CDS1: variants seen among roughly 807,000 people sequenced by gnomAD.
The protein encoded by CDS1 is CDP-diacylglycerol synthase 1.
A neutral mutation model predicts 62.1 loss-of-function variants in CDS1; 41 were observed. The observed-to-expected ratio is 0.66, with a 90% CI of 0.51 to 0.86. CDS1 has a LOEUF of 0.86. CDS1 is among the 40% of genes least tolerant of loss of function. The pLI, the probability that CDS1 is intolerant of heterozygous loss-of-function variation, is 0.00. For synonymous variants in CDS1, 185 were observed against 192.6 expected (o/e 0.96, Z 0.32); for missense variants, 470 against 550.1 (o/e 0.85, Z 1.46).
chr4:84,588,644 C>T (rs1722488819), intron 1 of CDS1, among the ~76,000 whole-genome samples: 1 of 151,998 alleles, frequency 6.6e-6, no homozygotes, highest in Admixed American at 6.6e-5. Context: ...GGAAAATGGT[C>T]CTTGTATGCT....
At chr4:84,616,166 C>G (rs1415275433) in intron 3 of CDS1, among the ~76,000 whole-genome samples, 1 of 152,144 alleles carries the variant, frequency 6.6e-6, no homozygotes, top group Non-Finnish European at 1.5e-5. Flanking sequence ...TAAACATTGT[C>G]TCCGTTCTGT....
In CDS1 at chr4:84,639,041, C is replaced by G. The variant is rs199873163; in HGVS notation, c.879+49C>G. On this transcript the variant is annotated intron_variant, in intron 9 of 12. Transcript: ENST00000295887. ...TTTGTATACATTTCGAAATATGATA[C>G]CAAGCTTACTGGTCTAATTTTAAAC... 33 of 846,992 alleles carry G rather than the reference C, an allele frequency of 3.9e-5. No individual in the cohort carries two copies. The African/African-American group carries it at 5.7e-4, about 15-fold the overall frequency. 52.5% of individuals were successfully genotyped at this position (846,992 alleles called of 1,614,324 possible). A position where few individuals can be genotyped will look rare whatever the true frequency, so the allele number is the denominator to read the frequency against.
intron 8 of CDS1, 54 bp from the exon 9 acceptor site, chr4:84,638,870 T>TATATA: frequency 1.5e-5 from 8 of 517,620 alleles, no homozygotes; most frequent in Non-Finnish European, 1.3e-5. Flanking sequence ...TATATATATA[T>TATATA]TGTGAGTTTT....
At chr4:84,604,193 G>A in intron 1 of CDS1, 50 bp from the exon 2 acceptor site, 1 of 1,548,854 alleles carries the variant, frequency 6.5e-7, no homozygotes, top group Non-Finnish European at 8.8e-7. Flanking sequence ...TGGCCAGCCT[G>A]TGCTTTTTTA....
At chr4:84,634,069 C>G (rs1724105370) in intron 7 of CDS1, 130 bp downstream of exon 7, 1 of 451,404 alleles carries the variant, frequency 2.2e-6, no homozygotes, top group Non-Finnish European at 3.8e-6. Flanking sequence ...ATTAAACTAT[C>G]TTACTGAGTT....
At position 84,583,141 on chromosome 4, in the gene CDS1, C is replaced by A. The variant is rs1722296845; in HGVS notation, c.-261C>A. ...GCCGCGTCTCCGCCTTCTCTGCTCG[C>A]GCCTGGCGCCCGGAGCCTGCCCGGG... is the stretch of plus-strand genomic sequence containing the variant. On this transcript the variant is annotated 5_prime_UTR_variant, in exon 1 of 13. Coordinates refer to ENST00000295887, the MANE Select transcript of CDS1 (RefSeq NM_001263.4). 2.4e-6 allele frequency: 1 copy of A among 419,338 alleles called. No homozygotes were observed. Among genetic ancestry groups the A allele is most frequent in the Non-Finnish European group, 4.3e-6 (1 of 235,072 alleles). 26.0% of individuals were successfully genotyped at this position (419,338 alleles called of 1,614,324 possible).
intron 1 of CDS1, among the ~76,000 whole-genome samples, chr4:84,586,655 C>T (rs929138990): frequency 1.3e-5 from 2 of 152,180 alleles, no homozygotes; most frequent in African/African-American, 2.4e-5. Context: ...CCTAACAGGC[C>T]GGTACTGGTC....
intron 1 of CDS1, among the ~76,000 whole-genome samples, chr4:84,603,014 A>C (rs573213856): frequency 7.7e-4 from 117 of 152,362 alleles, no homozygotes; most frequent in Non-Finnish European, 1.4e-3. Context: ...GACTAACATT[A>C]TATTTGGTGA....
intron 11 of CDS1, 48 bp from the exon 12 acceptor site, chr4:84,645,174 G>T: frequency 8.6e-7 from 1 of 1,158,792 alleles, no homozygotes; most frequent in Non-Finnish European, 1.3e-6. Context: ...GAATTTTATA[G>T]CAGGTGATTT....
Position 84,650,347 on chromosome 4 carries a change from T to C in CDS1, c.*1661T>C, listed in dbSNP as rs1724695305. The C allele has an allele frequency of 6.6e-6, 1 of 152,108 alleles. No individual in the cohort carries two copies. The highest frequency in any genetic ancestry group is 2.4e-5 in the African/African-American group (1 of 41,412). 9.4% of individuals were successfully genotyped at this position (152,108 alleles called of 1,614,324 possible). On this transcript the variant is annotated 3_prime_UTR_variant, in exon 13 of 13. Transcript: ENST00000295887. ...TCACACTATCCATACAAATCTAAAA[T>C]TGATACTGGAAATGTTATTATAGGA...
intron 9 of CDS1, 43 bp downstream of exon 9, chr4:84,639,035 A>G (rs752817904): frequency 1.1e-6 from 1 of 935,960 alleles, no homozygotes; most frequent in Non-Finnish European, 1.6e-6. Context: ...ATTTCGAAAT[A>G]TGATACCAAG....
chr4:84,637,845 G>C lies in CDS1; in HGVS notation c.811-1079G>C, dbSNP rs1050318708. On this transcript the variant is annotated intron_variant, in intron 8 of 12. Coordinates refer to ENST00000295887, the MANE Select transcript of CDS1 (RefSeq NM_001263.4). ...TTTACAATAATCAGCAGGCACTTTT[G>C]AATTTGAGTCTGCTCCTACTTCATG... is the stretch of plus-strand genomic sequence containing the variant. Among the ~76,000 whole-genome samples, 3 of 152,118 alleles carry C rather than the reference G, an allele frequency of 2.0e-5. No individual in the cohort carries two copies. In the South Asian group the frequency reaches 6.2e-4, roughly 32 times the overall value.
intron 3 of CDS1, among the ~76,000 whole-genome samples, chr4:84,610,022 A>AT (rs1723268954): frequency 3.3e-5 from 5 of 152,238 alleles, no homozygotes; most frequent in Admixed American, 6.5e-5. Context: ...AAAAAAAAAA[A>AT]ATGACAGAAA....
chr4:84,636,157 C>G (rs948553417), intron 8 of CDS1, among the ~76,000 whole-genome samples: 8 of 152,112 alleles, frequency 5.3e-5, no homozygotes, highest in African/African-American at 1.9e-4. Flanking sequence ...CTCCCTTCAA[C>G]CTGTCGCCTT....
intron 6 of CDS1, among the ~76,000 whole-genome samples, chr4:84,632,400 T>A (rs1724049864): frequency 6.6e-6 from 1 of 152,228 alleles, no homozygotes; most frequent in African/African-American, 2.4e-5. Flanking sequence ...GAACTTTTTT[T>A]ATTTTCTTAA....
intron 8 of CDS1, among the ~76,000 whole-genome samples, chr4:84,636,062 G>A (rs1276977151): frequency 6.6e-6 from 1 of 151,960 alleles, no homozygotes; most frequent in Non-Finnish European, 1.5e-5. Context: ...TGGGCTCTGT[G>A]GTTTTTTCTC....
chr4:84,645,698 G>A (rs1452999896), intron 12 of CDS1, among the ~76,000 whole-genome samples: 1 of 152,180 alleles, frequency 6.6e-6, no homozygotes, highest in Non-Finnish European at 1.5e-5. Context: ...TTACTTGAGT[G>A]CCTGCCATAT....
At chr4:84,585,172 G>C (rs1400881838) in intron 1 of CDS1, among the ~76,000 whole-genome samples, 1 of 152,150 alleles carries the variant, frequency 6.6e-6, no homozygotes, top group East Asian at 1.9e-4. Context: ...CATTAGAACT[G>C]TTGTCTCTAG....
At chr4:84,636,676 C>T (rs1724221942) in intron 8 of CDS1, among the ~76,000 whole-genome samples, 1 of 152,130 alleles carries the variant, frequency 6.6e-6, no homozygotes, top group African/African-American at 2.4e-5. Flanking sequence ...AGGCGGCTGC[C>T]ACCATGCCTG....
Sources: gnomAD v4.1 joint callset for allele counts (sites outside exome capture counted in the v4.1 genomes callset) on GRCh38, gnomAD v4.1.1 for gene constraint, MANE v1.5 for transcripts, NCBI Gene and HGNC (gene_info 2026-07-23, HGNC 2026-07-21) for gene names.